Variants in RAPGEF6 observed in about 807,000 individuals in gnomAD.
The protein encoded by RAPGEF6 is Rap guanine nucleotide exchange factor 6.
A neutral mutation model predicts 171.4 loss-of-function variants in RAPGEF6; 56 were observed. That is an observed-to-expected ratio of 0.33 (90% CI 0.26 to 0.41). RAPGEF6 has a LOEUF of 0.41. Among genes scored for constraint, RAPGEF6 ranks in the 10% least tolerant of loss-of-function variants. RAPGEF6 has a pLI of 1.00. For synonymous variants in RAPGEF6, 692 were observed against 650.1 expected (o/e 1.06, Z -0.98); for missense variants, 1,674 against 1,921.4 (o/e 0.87, Z 2.41).
chr5:131,467,285 C>T (rs1425489633), intron 17 of RAPGEF6, among the ~76,000 whole-genome samples: 1 of 152,170 alleles, frequency 6.6e-6, no homozygotes, highest in African/African-American at 2.4e-5. Context: ...TATATGATCA[C>T]ATAAGATTGA....
intron 22 of RAPGEF6, among the ~76,000 whole-genome samples, chr5:131,443,353 C>T (rs912335303): frequency 6.6e-6 from 1 of 152,182 alleles, no homozygotes; most frequent in African/African-American, 2.4e-5. Flanking sequence ...GGTGTGATTA[C>T]AGGTGTGAGC....
chr5:131,484,082 C>T (rs1418022254), intron 15 of RAPGEF6, among the ~76,000 whole-genome samples: 20 of 126,274 alleles, frequency 1.6e-4, no homozygotes, highest in African/African-American at 3.0e-4. Context: ...GGCAACAGAG[C>T]GAGACTCCAT....
chr5:131,487,515 T>C (rs901765570), intron 15 of RAPGEF6, among the ~76,000 whole-genome samples: 3 of 152,236 alleles, frequency 2.0e-5, no homozygotes, highest in African/African-American at 7.2e-5. Flanking sequence ...CACAGAGCAC[T>C]GATTGGTGCG....
At chr5:131,483,147 G>A (rs1326685651) in intron 15 of RAPGEF6, among the ~76,000 whole-genome samples, 2 of 151,932 alleles carry the variant, frequency 1.3e-5, no homozygotes, top group East Asian at 1.9e-4. Context: ...TCAGGAGTTC[G>A]GGACCAGCTT....
At chr5:131,495,019 G>A (rs1756536613) in intron 13 of RAPGEF6, among the ~76,000 whole-genome samples, 1 of 152,106 alleles carries the variant, frequency 6.6e-6, no homozygotes, top group Non-Finnish European at 1.5e-5. Context: ...TGGGCCAGGC[G>A]CCGTGGCTCA....
At chr5:131,604,593 G>A (rs773768282) in intron 2 of RAPGEF6, 30 bp downstream of exon 2, 20 of 1,602,974 alleles carry the variant, frequency 1.2e-5, no homozygotes, top group Middle Eastern at 1.7e-4. Context: ...GCTATACAGC[G>A]TGTGCTCTTA....
chr5:131,556,028 G>A (rs1417659236), intron 5 of RAPGEF6, among the ~76,000 whole-genome samples: 1 of 152,148 alleles, frequency 6.6e-6, no homozygotes, highest in East Asian at 1.9e-4. Flanking sequence ...TTAAGTATCT[G>A]TGTATCGAAA....
chr5:131,610,115 G>T (rs993430144), intron 1 of RAPGEF6, among the ~76,000 whole-genome samples: 2 of 152,176 alleles, frequency 1.3e-5, no homozygotes. Context: ...TCAAACCACA[G>T]ACCTCTATAT....
At chr5:131,556,373 C>T (rs1761237653) in intron 5 of RAPGEF6, among the ~76,000 whole-genome samples, 1 of 152,060 alleles carries the variant, frequency 6.6e-6, no homozygotes, top group Non-Finnish European at 1.5e-5. Flanking sequence ...TGCCACTGCA[C>T]TCCAGCCTGG....
At chr5:131,593,128 T>G (rs1051017249) in intron 3 of RAPGEF6, among the ~76,000 whole-genome samples, 1 of 152,198 alleles carries the variant, frequency 6.6e-6, no homozygotes, top group Admixed American at 6.5e-5. Flanking sequence ...TCTAAAATAC[T>G]AACCAAATCC....
intron 3 of RAPGEF6, among the ~76,000 whole-genome samples, chr5:131,592,958 T>C (rs946015554): frequency 6.6e-6 from 1 of 152,230 alleles, no homozygotes; most frequent in Non-Finnish European, 1.5e-5. Context: ...AATTTTCAAA[T>C]GTGATACAAT....
intron 19 of RAPGEF6, among the ~76,000 whole-genome samples, chr5:131,457,771 AC>A (rs1753618758): frequency 6.6e-6 from 1 of 152,186 alleles, no homozygotes; most frequent in African/African-American, 2.4e-5. Context: ...GAGCCATGGA[AC>A]GAATGCCCCA....
At chr5:131,483,895 T>C (rs1170441650) in intron 15 of RAPGEF6, among the ~76,000 whole-genome samples, 6 of 151,786 alleles carry the variant, frequency 4.0e-5, no homozygotes, top group African/African-American at 7.3e-5. Flanking sequence ...GGTCAGGAGA[T>C]TGAGACCATC....
rs543725412 is a variant in RAPGEF6, at chr5:131,425,090, G to A, written c.*2176C>T. 10 of 152,394 alleles carry A rather than the reference G, an allele frequency of 6.6e-5. No individual in the cohort carries two copies. Among genetic ancestry groups the A allele is most frequent in the African/African-American group, 2.4e-4 (10 of 41,558 alleles). The allele number at this position is 152,394 out of a possible 1,614,324, so 9.4% of individuals were successfully genotyped here. ...CATTTGGCTTTGGCTCCTGATCAAT[G>A]TGATCAGCTGATCTGAACACTCACA... On this transcript the variant is annotated 3_prime_UTR_variant, in exon 28 of 28. Coordinates refer to ENST00000509018, the MANE Select transcript of RAPGEF6 (RefSeq NM_016340.6).
intron 1 of RAPGEF6, among the ~76,000 whole-genome samples, chr5:131,616,356 CTGTATAAACAAG>C (rs1315914751): frequency 5.3e-5 from 8 of 152,162 alleles, no homozygotes; most frequent in African/African-American, 1.9e-4. Flanking sequence ...ATTTGGAGCA[CTGTATAAACAAG>C]TAATTACTAA....
chr5:131,585,490 T>C (rs191768407), intron 4 of RAPGEF6, among the ~76,000 whole-genome samples: 11 of 151,998 alleles, frequency 7.2e-5, no homozygotes, highest in African/African-American at 2.2e-4. Flanking sequence ...GCATACCTGA[T>C]TGCCTCCTTT....
chr5:131,506,989 A>T (rs1320459863), intron 9 of RAPGEF6, among the ~76,000 whole-genome samples: 1 of 151,526 alleles, frequency 6.6e-6, no homozygotes, highest in Non-Finnish European at 1.5e-5. Context: ...TACGGGGAGA[A>T]AATATGTAAA....
intron 13 of RAPGEF6, among the ~76,000 whole-genome samples, chr5:131,494,088 G>A (rs989790351): frequency 1.8e-4 from 28 of 152,194 alleles, no homozygotes; most frequent in African/African-American, 6.8e-4. Flanking sequence ...CAGGTTTTGT[G>A]TACAGACTGT....
At chr5:131,476,388 T>C (rs1755094038) in intron 16 of RAPGEF6, among the ~76,000 whole-genome samples, 1 of 152,166 alleles carries the variant, frequency 6.6e-6, no homozygotes, top group African/African-American at 2.4e-5. Context: ...GAGTTCCAAG[T>C]CAGGAGTTCC....
Sources: gnomAD v4.1 joint callset for allele counts (sites outside exome capture counted in the v4.1 genomes callset) on GRCh38, gnomAD v4.1.1 for gene constraint, MANE v1.5 for transcripts, NCBI Gene and HGNC (gene_info 2026-07-23, HGNC 2026-07-21) for gene names.